The following PDE10A variants were observed in gnomAD, a reference collection of about 807,000 sequenced individuals.
The protein encoded by PDE10A is cAMP and cAMP-inhibited cGMP 3',5'-cyclic phosphodiesterase 10A.
In PDE10A, 39 loss-of-function variants were observed where a neutral mutation model predicts 97.7. The observed-to-expected ratio is 0.40, with a 90% confidence interval of 0.31 to 0.52. The LOEUF is 0.52. Ranked by LOEUF, PDE10A falls within the 20% of genes least tolerant of loss-of-function variation. The pLI, the probability that PDE10A is intolerant of heterozygous loss-of-function variation, is 0.56. For missense variants in PDE10A, 731 were observed against 1,047.8 expected, an observed-to-expected ratio of 0.70 and a Z score of 4.17; for synonymous variants, 371 against 376.8, an observed-to-expected ratio of 0.98 and a Z score of 0.18.
chr6:165,503,603 T>A (rs749157771), intron 2 of PDE10A, among the ~76,000 whole-genome samples: 1 of 152,192 alleles, frequency 6.6e-6, no homozygotes, highest in Non-Finnish European at 1.5e-5. Context: ...AAAGGCTCCT[T>A]TTCTTCACTA....
intron 2 of PDE10A, among the ~76,000 whole-genome samples, chr6:165,484,360 G>A (rs1041007527): frequency 1.3e-5 from 2 of 152,226 alleles, no homozygotes; most frequent in Non-Finnish European, 2.9e-5. Context: ...GCGGCAAGCG[G>A]GCGAAGCTTC....
chr6:165,430,242 A>C, intron 9 of PDE10A, 45 bp downstream of exon 9: 1 of 1,375,656 alleles, frequency 7.3e-7, no homozygotes, highest in Non-Finnish European at 1.0e-6. Flanking sequence ...CTTAATTTAA[A>C]CCATTGATTA....
chr6:165,462,665 G>A lies in PDE10A; in HGVS notation c.1024-12303C>T, dbSNP rs1778396940. Among the ~76,000 whole-genome samples the A allele has an allele frequency of 3.3e-5, 5 of 152,116 alleles. No homozygotes were observed. The South Asian group carries it at 1.0e-3, about 32-fold the overall frequency. Reference sequence around the variant, plus strand: ...ACCCGTCAAACACAGCCACCCACATGGGGACAGATCAAGAAGCTGTCACAG... The same window carrying A: ...ACCCGTCAAACACAGCCACCCACATAGGGACAGATCAAGAAGCTGTCACAG... On this transcript the variant is annotated intron_variant, in intron 3 of 21. Transcript: ENST00000539869.
At chr6:165,838,490 C>T (rs1490867135) in intron 1 of PDE10A, among the ~76,000 whole-genome samples, 2 of 152,186 alleles carry the variant, frequency 1.3e-5, no homozygotes, top group Admixed American at 1.3e-4. Context: ...GATTGTGCAA[C>T]CATAACCACT....
At chr6:165,542,521 CT>C (rs1783499135) in intron 2 of PDE10A, among the ~76,000 whole-genome samples, 2 of 151,226 alleles carry the variant, frequency 1.3e-5, no homozygotes, top group South Asian at 4.2e-4. Flanking sequence ...CCACGATGTG[CT>C]TAAAATGCCA....
At chr6:165,800,214 A>C (rs1227854113) in intron 1 of PDE10A, among the ~76,000 whole-genome samples, 1 of 152,164 alleles carries the variant, frequency 6.6e-6, no homozygotes, top group Admixed American at 6.5e-5. Context: ...CTGAGCCCTG[A>C]ACAACAGCAG....
intron 1 of PDE10A, among the ~76,000 whole-genome samples, chr6:165,968,103 T>C (rs1052481348): frequency 1.3e-5 from 2 of 152,108 alleles, no homozygotes; most frequent in African/African-American, 4.8e-5. Flanking sequence ...AAGGTTGGTA[T>C]TAGGTGAGTT....
chr6:165,759,557 T>C (rs76361154), intron 1 of PDE10A, among the ~76,000 whole-genome samples: 1 of 152,208 alleles, frequency 6.6e-6, no homozygotes, highest in African/African-American at 2.4e-5. Flanking sequence ...CACTGAACTA[T>C]GGCTCCAAGG....
chr6:165,350,282 A>G lies in PDE10A; in HGVS notation c.2784-6780T>C, dbSNP rs572062551. Among the ~76,000 whole-genome samples the G allele has an allele frequency of 7.9e-5, 12 of 152,308 alleles. No individual in the cohort carries two copies. In the East Asian group the frequency reaches 2.3e-3, roughly 29 times the overall value. ...CATCAGCATGACCTGGATGTGAGAC[A>G]TGGAGTTGAAGTATATCATTTTGGA... On this transcript the variant is annotated intron_variant, in intron 18 of 21. Coordinates refer to ENST00000539869, the MANE Select transcript of PDE10A (RefSeq NM_001385079.1).
intron 4 of PDE10A, among the ~76,000 whole-genome samples, chr6:165,449,416 T>C (rs1791119532): frequency 6.6e-6 from 1 of 152,180 alleles, no homozygotes; most frequent in Non-Finnish European, 1.5e-5. Context: ...CAAACATAAT[T>C]TAACTTACCT....
intron 10 of PDE10A, among the ~76,000 whole-genome samples, chr6:165,420,931 AT>A (rs1410371789): frequency 1.3e-5 from 2 of 152,232 alleles, no homozygotes; most frequent in Non-Finnish European, 2.9e-5. Context: ...CAAAGAAACT[AT>A]AAAAAAGAAA....
chr6:165,784,761 G>A (rs1386889949), intron 1 of PDE10A, among the ~76,000 whole-genome samples: 1 of 152,126 alleles, frequency 6.6e-6, no homozygotes, highest in East Asian at 1.9e-4. Context: ...ATCCGTAATA[G>A]GGTTTGCATG....
chr6:165,437,093 TAAAG>T (rs1790075859), intron 5 of PDE10A, among the ~76,000 whole-genome samples: 1 of 152,274 alleles, frequency 6.6e-6, no homozygotes, highest in South Asian at 2.1e-4. Context: ...AGATAACTCT[TAAAG>T]AAGAACATGT....
At chr6:165,682,653 T>G (rs1791008543) in intron 1 of PDE10A, among the ~76,000 whole-genome samples, 2 of 151,966 alleles carry the variant, frequency 1.3e-5, no homozygotes, top group African/African-American at 4.8e-5. Flanking sequence ...GCACCAAATC[T>G]GCCAGCCCCT....
chr6:165,364,725 T>C (rs1783651393), intron 18 of PDE10A, among the ~76,000 whole-genome samples: 1 of 152,206 alleles, frequency 6.6e-6, no homozygotes, highest in Admixed American at 6.5e-5. Flanking sequence ...AAGAAAATAT[T>C]GATCAACTAT....
intron 1 of PDE10A, among the ~76,000 whole-genome samples, chr6:165,659,379 G>C (rs1437052051): frequency 6.6e-6 from 1 of 152,070 alleles, no homozygotes; most frequent in South Asian, 2.1e-4. Flanking sequence ...TCAAAAGACT[G>C]ATTTTTTAAA....
intron 3 of PDE10A, among the ~76,000 whole-genome samples, chr6:165,453,192 G>T (rs1484747751): frequency 1.3e-5 from 2 of 152,140 alleles, no homozygotes; most frequent in African/African-American, 4.8e-5. Context: ...GGATCTTCAT[G>T]ACTACTCTTA....
chr6:165,972,059 G>T (rs534924951), intron 1 of PDE10A, among the ~76,000 whole-genome samples: 55 of 151,940 alleles, frequency 3.6e-4, no homozygotes, highest in Admixed American at 2.2e-3. Flanking sequence ...TGAAAGAAAA[G>T]GTACACGCTG....
intron 1 of PDE10A, among the ~76,000 whole-genome samples, chr6:165,865,868 A>G (rs554939675): frequency 1.7e-4 from 26 of 152,316 alleles, no homozygotes; most frequent in Non-Finnish European, 3.5e-4. Flanking sequence ...TATTTAATGA[A>G]ATAATAGCTA....
Sources: allele counts gnomAD v4.1 joint callset (sites outside exome capture counted in the v4.1 genomes callset), GRCh38; gene constraint gnomAD v4.1.1; transcripts MANE v1.5; gene names NCBI Gene and HGNC (gene_info 2026-07-23, HGNC 2026-07-21).